NBAS: variants seen among roughly 807,000 people sequenced by gnomAD.
NBAS encodes NAG/BC035112 fusion.
In NBAS, 219 loss-of-function variants were observed where a neutral mutation model predicts 302.5. That is an observed-to-expected ratio of 0.72 (90% CI 0.65 to 0.81). The LOEUF is 0.81. Ranked by LOEUF, NBAS falls within the 30% of genes least tolerant of loss-of-function variation. The pLI, the probability that NBAS is intolerant of heterozygous loss-of-function variation, is 0.00. For missense variants in NBAS, 2,932 were observed against 2,841.6 expected, an observed-to-expected ratio of 1.03 and a Z score of -0.72; for synonymous variants, 1,118 against 1,021.6, an observed-to-expected ratio of 1.09 and a Z score of -1.80.
chr2:15,079,556 T>A, the NBAS span, among the ~76,000 whole-genome samples: 1 of 152,136 alleles, frequency 6.6e-6, no homozygotes, highest in African/African-American at 2.4e-5. Context: ...CCAAACCTCT[T>A]GCCATCACCC....
intron 48 of NBAS, among the ~76,000 whole-genome samples, chr2:15,205,644 C>T (rs901589161): frequency 2.6e-5 from 4 of 152,116 alleles, no homozygotes; most frequent in African/African-American, 4.8e-5. Flanking sequence ...AATCGCATCT[C>T]GAATTATAAT....
intron 48 of NBAS, among the ~76,000 whole-genome samples, chr2:15,193,593 G>C (rs1665466432): frequency 6.6e-6 from 1 of 151,808 alleles, no homozygotes; most frequent in Admixed American, 6.6e-5. Flanking sequence ...AAGATTTTTT[G>C]CAATAAATTC....
chr2:15,104,822 A>C, the NBAS span, among the ~76,000 whole-genome samples: 176 of 152,092 alleles, frequency 1.2e-3, 1 homozygote, highest in Non-Finnish European at 2.0e-3. Context: ...CTTTTTTTTA[A>C]TATGTTTGTT....
intron 35 of NBAS, among the ~76,000 whole-genome samples, chr2:15,334,241 G>A (rs1242605977): frequency 3.3e-5 from 5 of 151,156 alleles, no homozygotes; most frequent in Non-Finnish European, 7.4e-5. Context: ...CCAGGTTGGA[G>A]TGCAGTGGCA....
the NBAS span, among the ~76,000 whole-genome samples, chr2:14,908,062 C>T: frequency 6.6e-6 from 1 of 152,288 alleles, no homozygotes; most frequent in Non-Finnish European, 1.5e-5. Flanking sequence ...GGGGGTGAGT[C>T]CCATCATTAA....
chr2:15,526,329 T>C (rs746010673), intron 9 of NBAS, among the ~76,000 whole-genome samples: 20 of 152,196 alleles, frequency 1.3e-4, no homozygotes, highest in Non-Finnish European at 2.2e-4. Flanking sequence ...TTTTGTTTCA[T>C]ATCACCAAAT....
chr2:15,201,270 T>C (rs1665864647), intron 48 of NBAS, among the ~76,000 whole-genome samples: 1 of 152,160 alleles, frequency 6.6e-6, no homozygotes, highest in Non-Finnish European at 1.5e-5. Flanking sequence ...ATGCAAGGCT[T>C]CAAAAAACAG....
At chr2:15,034,012 GAAGAAGAAGAA>G in the NBAS span, among the ~76,000 whole-genome samples, 67 of 51,050 alleles carry the variant, frequency 1.3e-3, no homozygotes, top group African/African-American at 5.7e-3. Flanking sequence ...AGAAGAAGAA[GAAGAAGAAGAA>G]GAAGAGGAGG....
At chr2:15,345,765 G>C (rs1313596124) in intron 35 of NBAS, among the ~76,000 whole-genome samples, 1 of 152,076 alleles carries the variant, frequency 6.6e-6, no homozygotes, top group Non-Finnish European at 1.5e-5. Context: ...ATACTACAAG[G>C]CTACAGTGAC....
chr2:15,355,319 AAACAAC>A (rs200554858), intron 33 of NBAS, among the ~76,000 whole-genome samples: 15 of 151,932 alleles, frequency 9.9e-5, no homozygotes, highest in Middle Eastern at 3.2e-3. Context: ...CATGATAAGA[AAACAAC>A]AACAACAACA....
intron 44 of NBAS, among the ~76,000 whole-genome samples, chr2:15,264,492 C>T (rs572261804): frequency 5.3e-5 from 8 of 152,262 alleles, no homozygotes; most frequent in African/African-American, 1.9e-4. Context: ...AAATGATTAC[C>T]TTCGCCAATG....
In NBAS at chr2:15,461,689, G is replaced by A; in HGVS notation, c.2200C>T (p.Gln734Ter). 6.4e-7 allele frequency: 1 copy of A among 1,555,856 alleles called. No homozygotes were observed. The highest frequency in any genetic ancestry group is 8.9e-7 in the Non-Finnish European group (1 of 1,129,212). ...TTTATTTACAAAAAGCAAATTACCT[G>A]AGCATAAGTTCTTGCTGAGAGAACA... Reference protein sequence around the residue: ...NIVLSARTYAQESNVQALEIL... With the variant: ...NIVLSARTYA Residue 734 changes from glutamine (Q) to a stop codon, truncating the protein, a stop_gained and splice_region_variant, in exon 20 of 52, where the codon CAG (glutamine) becomes TAG (stop). Coordinates refer to ENST00000281513, the MANE Select transcript of NBAS (RefSeq NM_015909.4). LOFTEE classifies it high-confidence loss of function.
intron 44 of NBAS, among the ~76,000 whole-genome samples, chr2:15,267,952 G>T (rs980198739): frequency 5.3e-5 from 8 of 152,052 alleles, no homozygotes; most frequent in African/African-American, 1.9e-4. Context: ...AGCCTATAAA[G>T]TCTCTAAAAT....
At chr2:15,003,601 T>C in the NBAS span, among the ~76,000 whole-genome samples, 1 of 152,200 alleles carries the variant, frequency 6.6e-6, no homozygotes, top group African/African-American at 2.4e-5. Context: ...ATTCTCTCTT[T>C]AAAGGTGAGC....
the NBAS span, among the ~76,000 whole-genome samples, chr2:15,097,329 G>A: frequency 3.3e-5 from 5 of 152,190 alleles, no homozygotes; most frequent in Non-Finnish European, 7.3e-5. Flanking sequence ...TCAGGGCGCA[G>A]AATCCCAGGC....
At chr2:15,392,904 GAAGA>G (rs1675679743) in intron 28 of NBAS, among the ~76,000 whole-genome samples, 1 of 151,964 alleles carries the variant, frequency 6.6e-6, no homozygotes, top group African/African-American at 2.4e-5. Flanking sequence ...CATGGTATGG[GAAGA>G]AAGATAAATA....
the NBAS span, among the ~76,000 whole-genome samples, chr2:15,074,133 A>C: frequency 1.4e-4 from 21 of 152,326 alleles, no homozygotes; most frequent in Admixed American, 1.4e-3. Flanking sequence ...TAGCTCCAAA[A>C]ACTCAAACAT....
the NBAS span, among the ~76,000 whole-genome samples, chr2:15,001,571 C>T: frequency 6.6e-6 from 1 of 152,088 alleles, no homozygotes; most frequent in Non-Finnish European, 1.5e-5. Flanking sequence ...TAGTAAATGT[C>T]AAATCAAATT....
the NBAS span, among the ~76,000 whole-genome samples, chr2:14,788,026 T>C: frequency 6.6e-5 from 10 of 152,190 alleles, no homozygotes; most frequent in African/African-American, 2.4e-4. Context: ...CATTTCTTTT[T>C]ATTCTTTTTT....
Sources: allele counts gnomAD v4.1 joint callset (sites outside exome capture counted in the v4.1 genomes callset), GRCh38; gene constraint gnomAD v4.1.1; transcripts MANE v1.5; gene names NCBI Gene and HGNC (gene_info 2026-07-23, HGNC 2026-07-21).